CD200R1L: variants seen among roughly 807,000 people sequenced by gnomAD.
CD200R1L encodes the protein cell surface glycoprotein CD200 receptor 2.
In CD200R1L, 14 loss-of-function variants were observed where a neutral mutation model predicts 24.8. The observed-to-expected ratio is 0.56, with a 90% CI of 0.37 to 0.88. The LOEUF is 0.88. CD200R1L is among the 40% of genes least tolerant of loss of function. CD200R1L has a pLI of 0.00. For synonymous variants in CD200R1L, 111 were observed against 109.2 expected, an observed-to-expected ratio of 1.02 and a Z score of -0.11; for missense variants, 299 against 297.8, an observed-to-expected ratio of 1.00 and a Z score of -0.03.
At chr3:112,819,692 G>A (rs1295578710) in intron 7 of CD200R1L, 80 bp downstream of exon 7, 1 of 1,431,542 alleles carries the variant, frequency 7.0e-7, no homozygotes, top group Admixed American at 2.7e-5. Context: ...GCTTTTCCCA[G>A]TACATTGTAA....
At chr3:112,821,750 A>G (rs1368515532) in intron 6 of CD200R1L, among the ~76,000 whole-genome samples, 1 of 152,204 alleles carries the variant, frequency 6.6e-6, no homozygotes. Flanking sequence ...CCTGTCTCCA[A>G]TACTTTTTAG....
At chr3:112,818,824 T>C (rs1285135321) in intron 7 of CD200R1L, 2 of 154,432 alleles carry the variant, frequency 1.3e-5, no homozygotes, top group Non-Finnish European at 2.9e-5. Context: ...GCATTTATGA[T>C]GGCAGGCACG....
At chr3:112,838,910 G>A (rs1939020476) in intron 2 of CD200R1L, among the ~76,000 whole-genome samples, 1 of 152,118 alleles carries the variant, frequency 6.6e-6, no homozygotes, top group Admixed American at 6.5e-5. Context: ...GATTTCCGGA[G>A]TAAGAAAAAA....
chr3:112,816,434 A>G (rs1322574150), intron 7 of CD200R1L, among the ~76,000 whole-genome samples: 1 of 152,226 alleles, frequency 6.6e-6, no homozygotes, highest in Admixed American at 6.5e-5. Flanking sequence ...AAACAGATAC[A>G]TTAACACTTC....
At chr3:112,823,580 A>G (rs1367018068) in intron 6 of CD200R1L, among the ~76,000 whole-genome samples, 1 of 152,052 alleles carries the variant, frequency 6.6e-6, no homozygotes, top group Non-Finnish European at 1.5e-5. Context: ...TGTCAGAAGC[A>G]TTGTGAATGA....
chr3:112,819,137 A>G (rs1938469802), intron 7 of CD200R1L, among the ~76,000 whole-genome samples: 1 of 152,176 alleles, frequency 6.6e-6, no homozygotes, highest in African/African-American at 2.4e-5. Flanking sequence ...CCTAACTATC[A>G]CAAGAACATC....
At position 112,821,831 on chromosome 3, in the gene CD200R1L, C is replaced by T. The variant is rs185214051; in HGVS notation, c.617-1936G>A. Among the ~76,000 whole-genome samples, 3 of 152,284 alleles carry T rather than the reference C, an allele frequency of 2.0e-5. No homozygotes were observed. The East Asian group carries it at 5.8e-4, about 29-fold the overall frequency. On this transcript the variant is annotated intron_variant, in intron 6 of 7. Transcript: ENST00000488794. ...TATAAATCATCTAAGGAATTCAGAA[C>T]GTTTAATCAACTCTAACACAGAGGT...
At chr3:112,824,178 A>C (rs1295955314) in intron 6 of CD200R1L, among the ~76,000 whole-genome samples, 2 of 152,168 alleles carry the variant, frequency 1.3e-5, no homozygotes, top group African/African-American at 4.8e-5. Flanking sequence ...GTAGGGAGAA[A>C]GAAAAAGACT....
intron 3 of CD200R1L, among the ~76,000 whole-genome samples, chr3:112,834,649 C>T (rs948543517): frequency 6.6e-6 from 1 of 152,200 alleles, no homozygotes; most frequent in Admixed American, 6.5e-5. Context: ...TTGCTGTGAT[C>T]CACTGGGCTC....
chr3:112,828,306 C>T (rs1273338141), intron 4 of CD200R1L, among the ~76,000 whole-genome samples: 1 of 152,076 alleles, frequency 6.6e-6, no homozygotes, highest in East Asian at 1.9e-4. Flanking sequence ...TAGATAATTA[C>T]ATGTTTTGTT....
At chr3:112,834,519 T>A (rs1938886169) in intron 3 of CD200R1L, among the ~76,000 whole-genome samples, 1 of 151,936 alleles carries the variant, frequency 6.6e-6, no homozygotes, top group African/African-American at 2.4e-5. Flanking sequence ...CAAAATGGAG[T>A]TGCCTTTTGT....
At position 112,824,177 on chromosome 3, in the gene CD200R1L, AAG is replaced by A. The variant is rs536660407; in HGVS notation, c.616+2814_616+2815del. On this transcript the variant is annotated intron_variant, in intron 6 of 7. Coordinates refer to ENST00000488794, the MANE Select transcript of CD200R1L (RefSeq NM_001199215.3). ...TTGACCAACTAAGACAGTAGGGAGA[AAG>A]AAAAAGACTCAGATGTAAGAAAAAA... Among the ~76,000 whole-genome samples the A allele has an allele frequency of 1.9e-4, 29 of 152,334 alleles. No homozygotes were observed. In the South Asian group the frequency reaches 6.0e-3, roughly 32 times the overall value.
chr3:112,828,116 A>C (rs1938711709), intron 4 of CD200R1L, among the ~76,000 whole-genome samples: 1 of 152,212 alleles, frequency 6.6e-6, no homozygotes, highest in Admixed American at 6.5e-5. Flanking sequence ...TGGAATAACT[A>C]GTGATGTGAT....
chr3:112,819,332 C>CT (rs1206165461), intron 7 of CD200R1L, among the ~76,000 whole-genome samples: 7 of 152,112 alleles, frequency 4.6e-5, no homozygotes, highest in Admixed American at 1.3e-4. Flanking sequence ...CAAATGGCTG[C>CT]TTTTTTTGTG....
At chr3:112,840,743 AT>A (rs1939058184) in intron 2 of CD200R1L, among the ~76,000 whole-genome samples, 1 of 152,244 alleles carries the variant, frequency 6.6e-6, no homozygotes, top group Non-Finnish European at 1.5e-5. Context: ...GAATCTGCAT[AT>A]AAACTCTCCC....
intron 2 of CD200R1L, among the ~76,000 whole-genome samples, chr3:112,842,466 G>C (rs2087285): frequency 0.27 from 40,338 of 152,018 alleles, 6,165 homozygotes; most frequent in African/African-American, 0.4. Flanking sequence ...AAACATGTGT[G>C]TTTGAACAAT....
intron 3 of CD200R1L, among the ~76,000 whole-genome samples, chr3:112,835,817 C>T (rs1464341853): frequency 1.3e-5 from 2 of 152,252 alleles, no homozygotes; most frequent in African/African-American, 4.8e-5. Context: ...TTCCCAGCTC[C>T]CAAGAGCACA....
intron 6 of CD200R1L, among the ~76,000 whole-genome samples, chr3:112,823,793 G>T (rs1336235441): frequency 2.0e-5 from 3 of 152,302 alleles, no homozygotes; most frequent in Admixed American, 2.0e-4. Flanking sequence ...TGCAGGGAAA[G>T]AAGTACCTTA....
chr3:112,836,739 C>T (rs548627390), intron 3 of CD200R1L, among the ~76,000 whole-genome samples: 11 of 152,202 alleles, frequency 7.2e-5, no homozygotes, highest in Admixed American at 5.2e-4. Flanking sequence ...TTTTACATTC[C>T]TAAAAATGTT....
Sources: gnomAD v4.1 joint callset for allele counts (sites outside exome capture counted in the v4.1 genomes callset) on GRCh38, gnomAD v4.1.1 for gene constraint, MANE v1.5 for transcripts, NCBI Gene and HGNC (gene_info 2026-07-23, HGNC 2026-07-21) for gene names.